WDR64: variants seen among roughly 807,000 people sequenced by gnomAD.
WDR64 encodes WD repeat domain 64.
In WDR64, 112 loss-of-function variants were observed where a neutral mutation model predicts 139.3. The observed-to-expected ratio is 0.80, with a 90% CI of 0.69 to 0.94. The LOEUF is 0.94. WDR64 is among the 40% of genes least tolerant of loss of function. The probability of loss-of-function intolerance (pLI) is 0.00; values close to 1 mark genes in which losing one functional copy is unlikely to be tolerated. For synonymous variants in WDR64, 444 were observed against 437.7 expected, an observed-to-expected ratio of 1.01 and a Z score of -0.18; for missense variants, 1,206 against 1,293.1, an observed-to-expected ratio of 0.93 and a Z score of 1.03.
At chr1:241,671,229 A>G (rs568813331) in intron 3 of WDR64, 53 bp downstream of exon 3, 19 of 1,169,574 alleles carry the variant, frequency 1.6e-5, no homozygotes, top group Non-Finnish European at 2.3e-5. Flanking sequence ...TATTTTCCTC[A>G]AGAATACTGG....
chr1:241,710,584 C>T (rs1422158689), intron 8 of WDR64, among the ~76,000 whole-genome samples: 1 of 152,174 alleles, frequency 6.6e-6, no homozygotes, highest in Non-Finnish European at 1.5e-5. Context: ...TACATTTAAG[C>T]TGACACCCAA....
At chr1:241,684,248 G>T (rs896365954) in intron 7 of WDR64, among the ~76,000 whole-genome samples, 8 of 152,152 alleles carry the variant, frequency 5.3e-5, no homozygotes, top group Admixed American at 1.3e-4. Flanking sequence ...ACAGGTCTTA[G>T]AGTTCAATTA....
chr1:241,675,106 T>A (rs1447776196), intron 4 of WDR64, among the ~76,000 whole-genome samples: 1 of 104,310 alleles, frequency 9.6e-6, no homozygotes, highest in East Asian at 3.0e-4. Context: ...CCCTCCCTCC[T>A]TCCTTCCTCC....
chr1:241,670,019 G>A (rs1666162885), intron 2 of WDR64, among the ~76,000 whole-genome samples: 1 of 152,026 alleles, frequency 6.6e-6, no homozygotes, highest in Admixed American at 6.6e-5. Flanking sequence ...AACTTTATGA[G>A]AAATACTGAT....
At chr1:241,678,157 G>A (rs937986580) in intron 4 of WDR64, 30 bp from the exon 5 acceptor site, 2 of 398,688 alleles carry the variant, frequency 5.0e-6, no homozygotes, top group Non-Finnish European at 8.9e-6. Context: ...GTGCCAACTA[G>A]GTTTCATTAT....
chr1:241,749,450 G>A (rs1442811092), intron 13 of WDR64, 97 bp from the exon 14 acceptor site: 5 of 1,386,466 alleles, frequency 3.6e-6, no homozygotes, highest in Non-Finnish European at 4.0e-6. Context: ...TAAATTGTTG[G>A]CAGAAAGCTT....
At chr1:241,765,704 G>A (rs1254319640) in intron 15 of WDR64, among the ~76,000 whole-genome samples, 1 of 152,172 alleles carries the variant, frequency 6.6e-6, no homozygotes, top group Non-Finnish European at 1.5e-5. Flanking sequence ...GTACTTTAAA[G>A]TATTATGTTT....
chr1:241,730,178 G>C (rs1259280516), intron 10 of WDR64, among the ~76,000 whole-genome samples: 1 of 152,190 alleles, frequency 6.6e-6, no homozygotes, highest in Non-Finnish European at 1.5e-5. Flanking sequence ...TTTTGCTTAT[G>C]TGCAGGTCTT....
At position 241,657,265 on chromosome 1, in the gene WDR64, T is replaced by G. The variant is rs375011329; in HGVS notation, c.146-3265T>G. On this transcript the variant is annotated intron_variant, in intron 1 of 27. Transcript: ENST00000437684. Reference sequence around the variant, plus strand: ...CTCCATTTTCTGAAGCCTACACTAGTGCAATTGCCCTCCACTAGTTTTACG... The same window carrying G: ...CTCCATTTTCTGAAGCCTACACTAGGGCAATTGCCCTCCACTAGTTTTACG... Among the ~76,000 whole-genome samples the G allele has an allele frequency of 9.9e-5, 15 of 152,138 alleles. 1 individual carries two copies. The East Asian group carries it at 1.2e-3, about 12-fold the overall frequency.
chr1:241,679,626 T>G (rs1289159960), intron 6 of WDR64, 31 bp downstream of exon 6: 8 of 1,529,682 alleles, frequency 5.2e-6, no homozygotes, highest in Non-Finnish European at 7.1e-6. Context: ...CTCAAAGAAA[T>G]GAGATTGTCT....
intron 2 of WDR64, among the ~76,000 whole-genome samples, chr1:241,667,391 A>T (rs1666062082): frequency 6.6e-6 from 1 of 152,182 alleles, no homozygotes; most frequent in Admixed American, 6.5e-5. Flanking sequence ...CTTCCCCAAG[A>T]TTCCTGTCCC....
At chr1:241,657,200 C>T (rs1287367737) in intron 1 of WDR64, among the ~76,000 whole-genome samples, 5 of 152,038 alleles carry the variant, frequency 3.3e-5, no homozygotes, top group Non-Finnish European at 7.4e-5. Context: ...CATGGCAGCC[C>T]AGGATGTGCA....
At chr1:241,713,506 AAAGAAAG>A (rs1668275001) in intron 9 of WDR64, among the ~76,000 whole-genome samples, 1 of 121,070 alleles carries the variant, frequency 8.3e-6, no homozygotes, top group African/African-American at 3.8e-5. Flanking sequence ...CGGAAAGAAA[AAAGAAAG>A]AAAGAAAGAG....
intron 27 of WDR64, 101 bp from the exon 28 acceptor site, chr1:241,801,031 G>T: frequency 1.2e-6 from 1 of 856,300 alleles, no homozygotes; most frequent in Non-Finnish European, 1.9e-6. Flanking sequence ...TTTCTAGGAG[G>T]ATTAAAATCT....
At chr1:241,720,361 T>A (rs1383071833) in intron 9 of WDR64, among the ~76,000 whole-genome samples, 1 of 152,132 alleles carries the variant, frequency 6.6e-6, no homozygotes, top group African/African-American at 2.4e-5. Context: ...TGTCCCTAGA[T>A]ATTTGAGGAA....
chr1:241,766,350 G>C lies in WDR64; in HGVS notation c.2080G>C (p.Val694Leu), dbSNP rs764243862. ...TTTTGTGACGTCTACTGTCAAAAAA[G>C]TGTAAGTTGTGTATTATCCTTAAAC... The part of the protein sequence containing the change: ...WNFVTSTVKK[V>L]YRPEDCFTVN... Residue 694 changes from valine (V) to leucine (L), a missense_variant and splice_region_variant, in exon 16 of 28, where the codon GTG becomes CTG. Transcript: ENST00000437684. 1.2e-6 allele frequency: 2 copies of C among 1,613,506 alleles called. No individual in the cohort carries two copies. The highest frequency in any genetic ancestry group is 1.7e-6 in the Non-Finnish European group (2 of 1,179,712).
intron 8 of WDR64, among the ~76,000 whole-genome samples, chr1:241,700,832 G>C (rs1410368295): frequency 6.6e-6 from 1 of 152,170 alleles, no homozygotes; most frequent in African/African-American, 2.4e-5. Context: ...CAAATGGAAA[G>C]TATTATTATT....
chr1:241,735,533 C>CTCCCTTTTTTTTTTTTTTTTT (rs1553373537), intron 10 of WDR64, among the ~76,000 whole-genome samples: 35 of 103,490 alleles, frequency 3.4e-4, no homozygotes, highest in African/African-American at 1.1e-3. Context: ...CTCTCTCTCT[C>CTCCCTTTTTTTTTTTTTTTTT]TTTTTTTTTT....
At chr1:241,741,793 T>C (rs1032840170) in intron 12 of WDR64, 129 bp downstream of exon 12, 12 of 1,016,524 alleles carry the variant, frequency 1.2e-5, no homozygotes, top group Non-Finnish European at 1.6e-5. Flanking sequence ...ATTAGAATGA[T>C]TTTTAAGCTT....
Sources: gnomAD v4.1 joint callset for allele counts (sites outside exome capture counted in the v4.1 genomes callset) on GRCh38, gnomAD v4.1.1 for gene constraint, MANE v1.5 for transcripts, NCBI Gene and HGNC (gene_info 2026-07-23, HGNC 2026-07-21) for gene names.